Variants in SLC24A2 observed in about 807,000 individuals in gnomAD.
SLC24A2 encodes the protein sodium/potassium/calcium exchanger 2.
A neutral mutation model predicts 62.0 loss-of-function variants in SLC24A2; 36 were observed. The observed-to-expected ratio is 0.58, with a 90% confidence interval of 0.44 to 0.77. The LOEUF (loss-of-function observed/expected upper bound fraction) is 0.77. Among genes scored for constraint, SLC24A2 ranks in the 30% least tolerant of loss-of-function variants. The probability of loss-of-function intolerance (pLI) is 0.00; values close to 1 mark genes in which losing one functional copy is unlikely to be tolerated. For synonymous variants in SLC24A2, 358 were observed against 294.0 expected (o/e 1.22, Z -2.23); for missense variants, 846 against 817.9 (o/e 1.03, Z -0.42).
At chr9:19,727,285 C>T (rs1361430763) in intron 2 of SLC24A2, among the ~76,000 whole-genome samples, 3 of 151,830 alleles carry the variant, frequency 2.0e-5, no homozygotes, top group Admixed American at 6.6e-5. Context: ...TGATCATCAC[C>T]CATGAAACAA....
chr9:19,553,514 T>C (rs1417563120), intron 7 of SLC24A2, among the ~76,000 whole-genome samples: 4 of 152,220 alleles, frequency 2.6e-5, no homozygotes, highest in Non-Finnish European at 4.4e-5. Flanking sequence ...TTTAGGGCCT[T>C]GTAATCTTTG....
At chr9:19,858,727 G>A in the SLC24A2 span, among the ~76,000 whole-genome samples, 2 of 152,106 alleles carry the variant, frequency 1.3e-5, no homozygotes, top group African/African-American at 2.4e-5. Flanking sequence ...AGACATACAT[G>A]TGGCCAGGAA....
chr9:19,794,179 A>G, the SLC24A2 span, among the ~76,000 whole-genome samples: 3 of 152,154 alleles, frequency 2.0e-5, no homozygotes, highest in African/African-American at 7.2e-5. Context: ...TTCACTTACG[A>G]GGTAAGAAGT....
At chr9:19,969,226 C>CACACACAT in the SLC24A2 span, among the ~76,000 whole-genome samples, 1 of 150,496 alleles carries the variant, frequency 6.6e-6, no homozygotes, top group Non-Finnish European at 1.5e-5. Flanking sequence ...CACACACACA[C>CACACACAT]TTCTTCCTCC....
At chr9:19,880,920 G>T in the SLC24A2 span, among the ~76,000 whole-genome samples, 1 of 152,164 alleles carries the variant, frequency 6.6e-6, no homozygotes, top group Non-Finnish European at 1.5e-5. Flanking sequence ...CAGCTACTCT[G>T]GAGCCAGATT....
chr9:19,803,289 A>G, the SLC24A2 span, among the ~76,000 whole-genome samples: 2 of 152,370 alleles, frequency 1.3e-5, no homozygotes, highest in Non-Finnish European at 2.9e-5. Context: ...CATCTGCTCT[A>G]TATAAACAAA....
chr9:19,897,204 C>G, the SLC24A2 span, among the ~76,000 whole-genome samples: 1 of 152,158 alleles, frequency 6.6e-6, no homozygotes, highest in African/African-American at 2.4e-5. Flanking sequence ...ACAATGAACT[C>G]TTATCTACCT....
At chr9:19,613,460 G>C (rs1230161483) in intron 4 of SLC24A2, among the ~76,000 whole-genome samples, 2 of 152,162 alleles carry the variant, frequency 1.3e-5, no homozygotes, top group Non-Finnish European at 2.9e-5. Flanking sequence ...AAGGTGGAGA[G>C]AGGAAGATAT....
intron 2 of SLC24A2, among the ~76,000 whole-genome samples, chr9:19,673,743 C>T (rs1819486338): frequency 6.6e-6 from 1 of 152,138 alleles, no homozygotes; most frequent in Admixed American, 6.6e-5. Context: ...AGCCACTGCG[C>T]CCAGACGTGA....
the SLC24A2 span, among the ~76,000 whole-genome samples, chr9:20,285,250 TGA>T: frequency 6.6e-6 from 1 of 152,222 alleles, no homozygotes; most frequent in Non-Finnish European, 1.5e-5. Flanking sequence ...TATATTAGTC[TGA>T]GTGCTCCAGA....
chr9:19,956,773 T>C, the SLC24A2 span, among the ~76,000 whole-genome samples: 3 of 152,162 alleles, frequency 2.0e-5, no homozygotes, highest in Non-Finnish European at 2.9e-5. Flanking sequence ...GGAATTACAA[T>C]TAGAGATGAG....
the SLC24A2 span, among the ~76,000 whole-genome samples, chr9:20,011,987 C>G: frequency 6.6e-6 from 1 of 152,098 alleles, no homozygotes. Flanking sequence ...AAGTCAACAC[C>G]TTCTCATGAT....
the SLC24A2 span, among the ~76,000 whole-genome samples, chr9:20,139,447 T>G: frequency 6.6e-6 from 1 of 152,114 alleles, no homozygotes; most frequent in Non-Finnish European, 1.5e-5. Flanking sequence ...TGTAAAGCAT[T>G]CAAAAAATGG....
chr9:19,958,463 G>T, the SLC24A2 span, among the ~76,000 whole-genome samples: 3 of 152,180 alleles, frequency 2.0e-5, no homozygotes, highest in East Asian at 5.8e-4. Flanking sequence ...GAGGCTTTAT[G>T]GTGCAGTCAG....
At chr9:19,985,475 A>G in the SLC24A2 span, among the ~76,000 whole-genome samples, 7 of 152,322 alleles carry the variant, frequency 4.6e-5, no homozygotes, top group South Asian at 1.4e-3. Flanking sequence ...AAACAGCCAG[A>G]CACAAACACT....
chr9:19,684,118 G>A (rs1819806665), intron 2 of SLC24A2, among the ~76,000 whole-genome samples: 2 of 152,122 alleles, frequency 1.3e-5, no homozygotes, highest in Admixed American at 6.6e-5. Context: ...GAACTGATGG[G>A]CAATCTTTTC....
chr9:20,262,555 G>C, the SLC24A2 span, among the ~76,000 whole-genome samples: 1 of 152,306 alleles, frequency 6.6e-6, no homozygotes, highest in Admixed American at 6.5e-5. Flanking sequence ...TGCGTTAAAA[G>C]CCCATTTACC....
At chr9:19,714,789 T>A (rs1820812121) in intron 2 of SLC24A2, among the ~76,000 whole-genome samples, 1 of 152,190 alleles carries the variant, frequency 6.6e-6, no homozygotes, top group Non-Finnish European at 1.5e-5. Flanking sequence ...AATCTACTCA[T>A]TTAGCAAGTA....
At chr9:20,276,408 G>T in the SLC24A2 span, among the ~76,000 whole-genome samples, 5 of 152,240 alleles carry the variant, frequency 3.3e-5, no homozygotes, top group Non-Finnish European at 5.9e-5. Context: ...TCACGCTGAT[G>T]CAAGAGTTGG....
Sources: gnomAD v4.1 joint callset for allele counts (sites outside exome capture counted in the v4.1 genomes callset) on GRCh38, gnomAD v4.1.1 for gene constraint, MANE v1.5 for transcripts, NCBI Gene and HGNC (gene_info 2026-07-23, HGNC 2026-07-21) for gene names.